The following IMMP1L variants were observed in gnomAD, a reference collection of about 807,000 sequenced individuals.
IMMP1L encodes mitochondrial inner membrane protease subunit 1.
Under a neutral mutation model 21.8 loss-of-function variants are expected in IMMP1L, and 24 were observed. The observed-to-expected ratio is 1.10, with a 90% CI of 0.80 to 1.55. The LOEUF is 1.55. Among genes scored for constraint, IMMP1L ranks in the 40% most tolerant of loss-of-function variants. IMMP1L has a pLI of 0.00. For synonymous variants in IMMP1L, 46 were observed against 62.8 expected (o/e 0.73, Z 1.26); for missense variants, 195 against 200.7 (o/e 0.97, Z 0.17).
intron 1 of IMMP1L, among the ~76,000 whole-genome samples, chr11:31,497,330 T>C (rs1301966768): frequency 6.6e-6 from 1 of 152,038 alleles, no homozygotes; most frequent in Non-Finnish European, 1.5e-5. Context: ...AACAAGAATA[T>C]AGTATGATTC....
chr11:31,498,159 T>C lies in IMMP1L; in HGVS notation c.-30+11360A>G, dbSNP rs143684169. ...CAACCTTAGAATACCAAATGGACTA[T>C]AAAATTATTTTCAAATCTTTAATTT... On this transcript the variant is annotated intron_variant, in intron 1 of 5. Transcript: ENST00000532287. Among the ~76,000 whole-genome samples the C allele has an allele frequency of 6.6e-4, 100 of 152,326 alleles. 2 individuals carry two copies. The East Asian group carries it at 0.018, about 27-fold the overall frequency.
chr11:31,473,819 C>G, intron 1 of IMMP1L: 1 of 862,272 alleles, frequency 1.2e-6, no homozygotes, highest in Non-Finnish European at 1.4e-6. Context: ...GTTTCAGAAA[C>G]AGGAAAAATA....
chr11:31,452,332 G>A, intron 4 of IMMP1L: 1 of 984,802 alleles, frequency 1.0e-6, no homozygotes, highest in Non-Finnish European at 1.2e-6. Flanking sequence ...CATTATGAGT[G>A]CTTTTCTTCT....
At chr11:31,480,941 T>C (rs1954875146) in intron 1 of IMMP1L, among the ~76,000 whole-genome samples, 1 of 152,110 alleles carries the variant, frequency 6.6e-6, no homozygotes, top group African/African-American at 2.4e-5. Flanking sequence ...AAAGAGCTTT[T>C]AATATATTTC....
At chr11:31,451,506 G>A (rs1037162231) in intron 4 of IMMP1L, among the ~76,000 whole-genome samples, 2 of 152,178 alleles carry the variant, frequency 1.3e-5, no homozygotes, top group African/African-American at 4.8e-5. Context: ...TAGGGTGAAA[G>A]AGGAGAGTAA....
intron 1 of IMMP1L, among the ~76,000 whole-genome samples, chr11:31,507,063 A>T (rs1431689105): frequency 6.6e-6 from 1 of 152,140 alleles, no homozygotes; most frequent in African/African-American, 2.4e-5. Context: ...GCGGATCACG[A>T]GGTCAGGAGA....
At chr11:31,482,832 T>G (rs967188664) in intron 1 of IMMP1L, among the ~76,000 whole-genome samples, 1 of 151,952 alleles carries the variant, frequency 6.6e-6, no homozygotes, top group Admixed American at 6.6e-5. Flanking sequence ...GACCAGTAAT[T>G]TTGCTCCCAG....
At chr11:31,497,906 AT>A (rs1226011968) in intron 1 of IMMP1L, among the ~76,000 whole-genome samples, 1 of 152,132 alleles carries the variant, frequency 6.6e-6, no homozygotes, top group Non-Finnish European at 1.5e-5. Context: ...ACATACACAA[AT>A]TTTTTTAAAG....
At chr11:31,453,994 A>T (rs950848488) in intron 4 of IMMP1L, among the ~76,000 whole-genome samples, 1 of 152,148 alleles carries the variant, frequency 6.6e-6, no homozygotes, top group Admixed American at 6.5e-5. Flanking sequence ...CAATTTATTT[A>T]GCCTCCTTCT....
At chr11:31,482,070 C>T (rs1223094) in intron 1 of IMMP1L, among the ~76,000 whole-genome samples, 58,359 of 151,870 alleles carry the variant, frequency 0.38, 14,450 homozygotes, top group African/African-American at 0.71. Flanking sequence ...TAAAACTGCA[C>T]ATAAGGTGAA....
In IMMP1L at chr11:31,460,596, A is replaced by G. The variant is rs750074290; in HGVS notation, c.194+30T>C. On this transcript the variant is annotated intron_variant, in intron 3 of 5. Coordinates refer to ENST00000532287, the MANE Select transcript of IMMP1L (RefSeq NM_001304274.2). ...CAATGTGTGTGTGTATTTTCACTGT[A>G]AATTTAATATATCCATGACAGAAAT... is the stretch of plus-strand genomic sequence containing the variant. 8 of 1,385,842 alleles carry G rather than the reference A, an allele frequency of 5.8e-6. No homozygotes were observed. The South Asian group carries it at 7.1e-5, about 12-fold the overall frequency. 85.8% of individuals were successfully genotyped at this position (1,385,842 alleles called of 1,614,324 possible).
At chr11:31,465,883 G>A (rs1954322479) in intron 1 of IMMP1L, among the ~76,000 whole-genome samples, 1 of 151,878 alleles carries the variant, frequency 6.6e-6, no homozygotes. Flanking sequence ...AGATTTTATG[G>A]CTAAGAAATC....
At chr11:31,448,659 C>G (rs759746327) in intron 4 of IMMP1L, among the ~76,000 whole-genome samples, 1 of 152,228 alleles carries the variant, frequency 6.6e-6, no homozygotes, top group Non-Finnish European at 1.5e-5. Flanking sequence ...ACCTGCTACT[C>G]TTTCAACAGA....
chr11:31,459,418 A>C (rs2133648928), intron 3 of IMMP1L, among the ~76,000 whole-genome samples: 1 of 152,342 alleles, frequency 6.6e-6, no homozygotes, highest in South Asian at 2.1e-4. Flanking sequence ...AAGCAGGCAT[A>C]GATTTTTTTC....
intron 3 of IMMP1L, among the ~76,000 whole-genome samples, chr11:31,458,611 G>A (rs1709745060): frequency 6.6e-6 from 1 of 152,056 alleles, no homozygotes; most frequent in Admixed American, 6.6e-5. Flanking sequence ...CTTGCCAGGG[G>A]TCAAAGATTC....
At chr11:31,502,996 C>G (rs1291147992) in intron 1 of IMMP1L, among the ~76,000 whole-genome samples, 1 of 152,182 alleles carries the variant, frequency 6.6e-6, no homozygotes, top group Non-Finnish European at 1.5e-5. Flanking sequence ...CATGACTATA[C>G]AATGGCTTTT....
chr11:31,470,275 T>C (rs1056753315), intron 1 of IMMP1L, among the ~76,000 whole-genome samples: 6 of 152,020 alleles, frequency 3.9e-5, no homozygotes, highest in Non-Finnish European at 2.9e-5. Context: ...TAGCCAGGTG[T>C]GGCAGCGCAT....
At chr11:31,452,333 C>T (rs1024576355) in intron 4 of IMMP1L, 1 of 984,988 alleles carries the variant, frequency 1.0e-6, no homozygotes. Flanking sequence ...ATTATGAGTG[C>T]TTTTCTTCTT....
chr11:31,498,417 G>A (rs1200460395), intron 1 of IMMP1L, among the ~76,000 whole-genome samples: 1 of 152,084 alleles, frequency 6.6e-6, no homozygotes, highest in African/African-American at 2.4e-5. Flanking sequence ...GAAACAAAGA[G>A]GTCTAATTTT....
Sources: allele counts gnomAD v4.1 joint callset (sites outside exome capture counted in the v4.1 genomes callset), GRCh38; gene constraint gnomAD v4.1.1; transcripts MANE v1.5; gene names NCBI Gene and HGNC (gene_info 2026-07-23, HGNC 2026-07-21).